The following SLC25A26 variants were observed in gnomAD, a reference collection of about 807,000 sequenced individuals.
SLC25A26 encodes solute carrier family 25 member 26.
Under a neutral mutation model 37.8 loss-of-function variants are expected in SLC25A26, and 36 were observed. The observed-to-expected ratio is 0.95, with a 90% CI of 0.73 to 1.26. The LOEUF is 1.26. SLC25A26 is among the 50% of genes most tolerant of loss of function. The probability of loss-of-function intolerance (pLI) is 0.00; values close to 1 mark genes in which losing one functional copy is unlikely to be tolerated. For synonymous variants in SLC25A26, 129 were observed against 122.5 expected (o/e 1.05, Z -0.35); for missense variants, 390 against 331.1 (o/e 1.18, Z -1.38).
At chr3:66,279,526 A>AG (rs1158677757) in intron 5 of SLC25A26, among the ~76,000 whole-genome samples, 5 of 151,998 alleles carry the variant, frequency 3.3e-5, no homozygotes, top group Admixed American at 1.3e-4. Context: ...TTTTTTGGGG[A>AG]GGTGGGGTCA....
intron 1 of SLC25A26, among the ~76,000 whole-genome samples, chr3:66,148,553 C>A (rs570375202): frequency 1.3e-5 from 2 of 152,318 alleles, no homozygotes; most frequent in South Asian, 4.2e-4. Flanking sequence ...CCTTGACTCA[C>A]TGGGCATGGT....
intron 5 of SLC25A26, among the ~76,000 whole-genome samples, chr3:66,315,798 G>T (rs552036396): frequency 1.3e-5 from 2 of 152,318 alleles, no homozygotes; most frequent in Non-Finnish European, 2.9e-5. Context: ...AGGTGCTCCT[G>T]TATTGGGTCC....
chr3:66,278,364 A>C (rs1160525558), intron 5 of SLC25A26, among the ~76,000 whole-genome samples: 1 of 152,134 alleles, frequency 6.6e-6, no homozygotes. Flanking sequence ...ATAATGTAGA[A>C]GGACTTAAGA....
At chr3:66,371,164 G>C (rs992281987) in intron 9 of SLC25A26, 1 of 1,440,634 alleles carries the variant, frequency 6.9e-7, no homozygotes, top group African/African-American at 1.4e-5. Context: ...TGAATGTTGA[G>C]ATCTTACAGG....
intron 1 of SLC25A26, among the ~76,000 whole-genome samples, chr3:66,155,759 G>T (rs751901576): frequency 2.3e-4 from 35 of 152,140 alleles, no homozygotes; most frequent in Non-Finnish European, 4.7e-4. Flanking sequence ...ACTCAAATCA[G>T]CAAGTTCACT....
intron 7 of SLC25A26, 99 bp downstream of exon 7, chr3:66,363,028 T>C: frequency 1.5e-6 from 1 of 678,894 alleles, no homozygotes; most frequent in Non-Finnish European, 2.3e-6. Flanking sequence ...TTCCAGGTTG[T>C]TTAGATGAAG....
At chr3:66,170,003 C>G (rs1366346721) in intron 1 of SLC25A26, among the ~76,000 whole-genome samples, 1 of 152,168 alleles carries the variant, frequency 6.6e-6, no homozygotes, top group Non-Finnish European at 1.5e-5. Context: ...CTAATCTAGA[C>G]TGACTCTAAC....
chr3:66,358,114 A>G (rs1198864464), intron 6 of SLC25A26, among the ~76,000 whole-genome samples: 4 of 152,228 alleles, frequency 2.6e-5, no homozygotes, highest in Non-Finnish European at 5.9e-5. Flanking sequence ...TGAATGTCAT[A>G]ATCAATACAT....
At position 66,377,713 on chromosome 3, in the gene SLC25A26, G is replaced by A. The variant is rs1363262953; in HGVS notation, c.731G>A (p.Arg244Gln). Residue 244 changes from arginine (R) to glutamine (Q), a missense_variant, in exon 10 of 10, where the codon CGA becomes CAA. Physicochemically the swap from Arg to Gln is conservative, Grantham distance 43. Coordinates refer to ENST00000354883, the MANE Select transcript of SLC25A26 (RefSeq NM_001379210.1). The part of the protein sequence containing the change: ...LAGLFAGVFP[R>Q]MAAISLGGFI... ...AGATTATTTGCAGGTGTCTTCCCTC[G>A]AATGGCAGCCATCAGTCTGGGAGGT... is the stretch of plus-strand genomic sequence containing the variant. 13 of 1,613,480 alleles carry A rather than the reference G, an allele frequency of 8.1e-6. No individual in the cohort carries two copies. The highest frequency in any genetic ancestry group is 1.1e-5 in the Non-Finnish European group (13 of 1,179,774).
At chr3:66,207,675 T>C (rs1477986843) in intron 1 of SLC25A26, among the ~76,000 whole-genome samples, 2 of 152,234 alleles carry the variant, frequency 1.3e-5, no homozygotes, top group Non-Finnish European at 2.9e-5. Flanking sequence ...ATTTTCTCAT[T>C]ACAAAGTAGT....
At chr3:66,175,111 A>G (rs370060519) in intron 1 of SLC25A26, among the ~76,000 whole-genome samples, 24,991 of 101,976 alleles carry the variant, frequency 0.25, 2,764 homozygotes, top group African/African-American at 0.37. Flanking sequence ...GTGTGTGTGT[A>G]TATATATATA....
chr3:66,170,015 C>A (rs145816350), intron 1 of SLC25A26, among the ~76,000 whole-genome samples: 1 of 152,126 alleles, frequency 6.6e-6, no homozygotes, highest in African/African-American at 2.4e-5. Context: ...GACTCTAACC[C>A]GATTCTGCTC....
At chr3:66,186,471 T>C (rs1423052053) in intron 1 of SLC25A26, among the ~76,000 whole-genome samples, 1 of 151,468 alleles carries the variant, frequency 6.6e-6, no homozygotes, top group Non-Finnish European at 1.5e-5. Context: ...CTCACCTTAA[T>C]CATCACTCTG....
intron 5 of SLC25A26, among the ~76,000 whole-genome samples, chr3:66,317,775 A>G (rs533010121): frequency 1.3e-5 from 2 of 152,302 alleles, no homozygotes; most frequent in African/African-American, 4.8e-5. Context: ...CCTGTCAGGG[A>G]TATCAGAGTT....
At chr3:66,140,575 T>C (rs984076859) in intron 1 of SLC25A26, among the ~76,000 whole-genome samples, 13 of 152,192 alleles carry the variant, frequency 8.5e-5, no homozygotes, top group Non-Finnish European at 7.4e-5. Flanking sequence ...AGGTAAAAAC[T>C]AGAAAATGTC....
In SLC25A26 at chr3:66,372,616, A is replaced by G. The variant is rs1700406918; in HGVS notation, c.707+2014A>G. Among the ~76,000 whole-genome samples, 4 of 152,140 alleles carry G rather than the reference A, an allele frequency of 2.6e-5. No individual in the cohort carries two copies. The South Asian group carries it at 6.2e-4, about 24-fold the overall frequency. ...GAAAGTCTCAGAAGTCATGGGCTCT[A>G]GTCAGTCTGTACAGTGTAGTCCCTA... On this transcript the variant is annotated intron_variant, in intron 9 of 9. Coordinates refer to ENST00000354883, the MANE Select transcript of SLC25A26 (RefSeq NM_001379210.1).
chr3:66,213,564 A>G (rs1313476554), intron 1 of SLC25A26, among the ~76,000 whole-genome samples: 2 of 152,108 alleles, frequency 1.3e-5, no homozygotes, highest in Admixed American at 6.6e-5. Flanking sequence ...TGCACAGCCT[A>G]TGACATTATC....
At chr3:66,141,789 C>T (rs1013946048) in intron 1 of SLC25A26, among the ~76,000 whole-genome samples, 1 of 152,244 alleles carries the variant, frequency 6.6e-6, no homozygotes, top group Admixed American at 6.5e-5. Flanking sequence ...TACTGGATTA[C>T]AGGCGTGGGC....
At chr3:66,218,876 G>T (rs2071400292), upstream of SLC25A26, among the ~76,000 whole-genome samples, 1 of 152,312 alleles carries the variant, frequency 6.6e-6, no homozygotes, top group Admixed American at 6.5e-5. Flanking sequence ...TCATGATCAA[G>T]TTTTATGATA....
Sources: allele counts gnomAD v4.1 joint callset (sites outside exome capture counted in the v4.1 genomes callset), GRCh38; gene constraint gnomAD v4.1.1; transcripts MANE v1.5; gene names NCBI Gene and HGNC (gene_info 2026-07-23, HGNC 2026-07-21).